Variants in PARD3B observed in about 807,000 individuals in gnomAD.
The protein encoded by PARD3B is partitioning defective 3 homolog B.
In PARD3B, 103 loss-of-function variants were observed where a neutral mutation model predicts 130.2. The observed-to-expected ratio is 0.79, with a 90% confidence interval of 0.67 to 0.93. PARD3B has a LOEUF of 0.93. PARD3B is among the 40% of genes least tolerant of loss of function. The probability of loss-of-function intolerance (pLI) is 0.00; values close to 1 mark genes in which losing one functional copy is unlikely to be tolerated. For synonymous variants in PARD3B, 583 were observed against 553.2 expected (o/e 1.05, Z -0.76); for missense variants, 1,609 against 1,499.2 (o/e 1.07, Z -1.21).
At chr2:205,075,426 A>G (rs943470102) in intron 4 of PARD3B, among the ~76,000 whole-genome samples, 3 of 152,086 alleles carry the variant, frequency 2.0e-5, no homozygotes, top group Admixed American at 2.0e-4. Context: ...TACAATTAAT[A>G]TATAGAAAGT....
chr2:204,863,251 TGA>T (rs2045282651), intron 2 of PARD3B, among the ~76,000 whole-genome samples: 1 of 152,152 alleles, frequency 6.6e-6, no homozygotes, highest in African/African-American at 2.4e-5. Context: ...CCTTCCAGTC[TGA>T]TGCTTGTTGA....
At chr2:204,760,302 C>T (rs138296768) in intron 2 of PARD3B, among the ~76,000 whole-genome samples, 107 of 152,012 alleles carry the variant, frequency 7.0e-4, no homozygotes, top group Middle Eastern at 3.4e-3. Context: ...ATTTTTGAAT[C>T]GTGTTAAAAG....
intron 20 of PARD3B, among the ~76,000 whole-genome samples, chr2:205,495,904 C>T (rs1385883385): frequency 6.6e-6 from 1 of 150,376 alleles, no homozygotes; most frequent in Non-Finnish European, 1.5e-5. Flanking sequence ...ATTGACAGCA[C>T]CTGTCACACA....
chr2:205,276,457 C>A lies in PARD3B; in HGVS notation c.2186-24073C>A, dbSNP rs1362227877. On this transcript the variant is annotated intron_variant, in intron 16 of 22. Coordinates refer to ENST00000406610, the MANE Select transcript of PARD3B (RefSeq NM_001302769.2). The surrounding 1 kb of genome is among the most constrained non-coding windows in gnomAD (Gnocchi z 5.0). ...CAAGTAAATCTGGTGAAAAGCTTCA[C>A]CAAGAAAATGCTTTCTGAAAGAATT... is the stretch of plus-strand genomic sequence containing the variant. Among the ~76,000 whole-genome samples, 1 of 152,146 alleles carries A rather than the reference C, an allele frequency of 6.6e-6. No individual in the cohort carries two copies. Among genetic ancestry groups the A allele is most frequent in the East Asian group, 1.9e-4 (1 of 5,198 alleles).
Position 205,281,076 on chromosome 2 carries a change from T to C in PARD3B, c.2186-19454T>C, listed in dbSNP as rs989297833. Among the ~76,000 whole-genome samples, 4 of 152,192 alleles carry C rather than the reference T, an allele frequency of 2.6e-5. No homozygotes were observed. Among genetic ancestry groups the C allele is most frequent in the African/African-American group, 9.7e-5 (4 of 41,450 alleles). ...ATTTTCGATGCTCTGGTGTCACCCA[T>C]GGCAACAATATTTAGGGCTTCTTAC... On this transcript the variant is annotated intron_variant, in intron 16 of 22. Coordinates refer to ENST00000406610, the MANE Select transcript of PARD3B (RefSeq NM_001302769.2). This position sits in a 1 kb window ranked among gnomAD's most constrained non-coding sequence, Gnocchi z 4.2.
In PARD3B at chr2:205,460,249, G is replaced by A. The variant is rs964960800; in HGVS notation, c.3044+19577G>A. Among the ~76,000 whole-genome samples, 4 of 152,114 alleles carry A rather than the reference G, an allele frequency of 2.6e-5. No individual in the cohort carries two copies. The highest frequency in any genetic ancestry group is 1.9e-4 in the East Asian group (1 of 5,190). On this transcript the variant is annotated intron_variant, in intron 20 of 22. Transcript: ENST00000406610. The surrounding 1 kb of genome is among the most constrained non-coding windows in gnomAD (Gnocchi z 4.9). ...ATGCAGCTTTGAGGATATGCAGTTC[G>A]TAAATTTCCTACTGGGTCATTTTTT...
intron 4 of PARD3B, among the ~76,000 whole-genome samples, chr2:205,069,227 C>G (rs1700570151): frequency 6.6e-6 from 1 of 151,904 alleles, no homozygotes; most frequent in South Asian, 2.1e-4. Flanking sequence ...TTCATTAAAT[C>G]CTATTTTGCC....
At chr2:205,282,340 A>G (rs913312601) in intron 16 of PARD3B, among the ~76,000 whole-genome samples, 2 of 151,926 alleles carry the variant, frequency 1.3e-5, no homozygotes, top group Admixed American at 6.6e-5. Flanking sequence ...GCATCCTTAT[A>G]CTACCTATTG....
intron 2 of PARD3B, among the ~76,000 whole-genome samples, chr2:204,771,037 C>G (rs1001499911): frequency 2.6e-5 from 4 of 152,006 alleles, no homozygotes; most frequent in Non-Finnish European, 5.9e-5. Context: ...TAGCAAATCG[C>G]TGGTGTTAGG....
At chr2:205,107,912 A>G (rs1295290274) in intron 5 of PARD3B, among the ~76,000 whole-genome samples, 1 of 152,206 alleles carries the variant, frequency 6.6e-6, no homozygotes, top group Non-Finnish European at 1.5e-5. Context: ...TATGTACAAA[A>G]GACCTTCACC....
intron 2 of PARD3B, among the ~76,000 whole-genome samples, chr2:204,860,595 A>T (rs1262776315): frequency 1.3e-5 from 2 of 152,210 alleles, no homozygotes; most frequent in Admixed American, 1.3e-4. Flanking sequence ...CTGGTAAAAG[A>T]TATTCAATTG....
At chr2:204,591,871 T>G (rs2125094740) in intron 1 of PARD3B, among the ~76,000 whole-genome samples, 1 of 152,360 alleles carries the variant, frequency 6.6e-6, no homozygotes, top group East Asian at 1.9e-4. Context: ...AATGATGGAT[T>G]TATAGATAAT....
intron 2 of PARD3B, among the ~76,000 whole-genome samples, chr2:204,793,137 A>G (rs1220931598): frequency 1.3e-5 from 2 of 152,148 alleles, no homozygotes; most frequent in East Asian, 1.9e-4. Flanking sequence ...AGTGATTTGT[A>G]TTTGCAAAAT....
At chr2:204,591,717 T>C (rs1486093957) in intron 1 of PARD3B, among the ~76,000 whole-genome samples, 1 of 152,210 alleles carries the variant, frequency 6.6e-6, no homozygotes, top group Non-Finnish European at 1.5e-5. Context: ...ATAATTCGCC[T>C]GAATTTTAAT....
intron 2 of PARD3B, among the ~76,000 whole-genome samples, chr2:204,780,709 A>G (rs1220454050): frequency 1.3e-5 from 2 of 152,128 alleles, no homozygotes; most frequent in Non-Finnish European, 2.9e-5. Flanking sequence ...GAGTGGAAAA[A>G]CAGACGCATT....
intron 22 of PARD3B, 74 bp from the exon 23 acceptor site, chr2:205,615,381 AG>A: frequency 2.4e-6 from 3 of 1,276,524 alleles, no homozygotes; most frequent in Non-Finnish European, 3.3e-6. Context: ...ACTGCACAGG[AG>A]GCTGAGGAAC....
intron 19 of PARD3B, among the ~76,000 whole-genome samples, chr2:205,418,679 C>T (rs2046864905): frequency 6.6e-6 from 1 of 152,130 alleles, no homozygotes; most frequent in South Asian, 2.1e-4. Context: ...AATTTAAATT[C>T]TTAATCCCAT....
chr2:205,161,025 T>G (rs1172787293), intron 11 of PARD3B, among the ~76,000 whole-genome samples: 2 of 152,206 alleles, frequency 1.3e-5, no homozygotes, highest in Non-Finnish European at 2.9e-5. Flanking sequence ...GGATGAGTTC[T>G]TGGTCATGTT....
chr2:204,596,929 T>C (rs2033317080), intron 1 of PARD3B, among the ~76,000 whole-genome samples: 1 of 151,724 alleles, frequency 6.6e-6, no homozygotes, highest in Admixed American at 6.6e-5. Context: ...TCTCTCTCTC[T>C]CTCTCTCTCT....
Sources: allele counts gnomAD v4.1 joint callset (sites outside exome capture counted in the v4.1 genomes callset), GRCh38; gene constraint gnomAD v4.1.1; non-coding constraint Gnocchi (gnomAD v3.1); transcripts MANE v1.5; gene names NCBI Gene and HGNC (gene_info 2026-07-23, HGNC 2026-07-21).